RMDN2: variants seen among roughly 807,000 people sequenced by gnomAD.
RMDN2 encodes regulator of microtubule dynamics 2, also known as regulator of microtubule dynamics protein 2.
RMDN2 carries 61 observed loss-of-function variants against 52.8 expected under a neutral mutation model. The observed-to-expected ratio is 1.16, with a 90% CI of 0.94 to 1.43. The LOEUF is 1.43. Ranked by LOEUF, RMDN2 falls within the 40% of genes most tolerant of loss-of-function variation. The probability of loss-of-function intolerance (pLI) is 0.00; values close to 1 mark genes in which losing one functional copy is unlikely to be tolerated. For synonymous variants in RMDN2, 180 were observed against 153.1 expected, an observed-to-expected ratio of 1.18 and a Z score of -1.30; for missense variants, 592 against 475.3, an observed-to-expected ratio of 1.25 and a Z score of -2.28.
At chr2:37,924,471 T>C (rs1472934750), upstream of RMDN2, among the ~76,000 whole-genome samples, 3 of 152,204 alleles carry the variant, frequency 2.0e-5, no homozygotes, top group Admixed American at 6.5e-5. Flanking sequence ...TTCAAACGAT[T>C]CTCCTGCCTC....
At chr2:37,968,740 G>A (rs2125051210) in intron 2 of RMDN2, among the ~76,000 whole-genome samples, 1 of 152,266 alleles carries the variant, frequency 6.6e-6, no homozygotes, top group Admixed American at 6.5e-5. Flanking sequence ...TAGAACAAAT[G>A]TTTGTAAGCA....
chr2:37,972,866 G>A (rs937877278), intron 2 of RMDN2, among the ~76,000 whole-genome samples: 1 of 152,214 alleles, frequency 6.6e-6, no homozygotes, highest in African/African-American at 2.4e-5. Flanking sequence ...GCAATTGGAA[G>A]AGTAGAGTTT....
At chr2:37,922,421 T>TAAAA (rs111938013), upstream of RMDN2, among the ~76,000 whole-genome samples, 5 of 144,432 alleles carry the variant, frequency 3.5e-5, no homozygotes, top group South Asian at 2.2e-4. Context: ...AAATAAAACC[T>TAAAA]AAAAAAAAAA....
intron 2 of RMDN2, chr2:37,951,861 T>C (rs1668853631): frequency 6.2e-7 from 1 of 1,613,614 alleles, no homozygotes; most frequent in South Asian, 1.1e-5. Flanking sequence ...ATCATCCTTC[T>C]TTTCTCTTGC....
chr2:37,938,521 AGCTG>A, intron 2 of RMDN2, among the ~76,000 whole-genome samples: 1 of 152,020 alleles, frequency 6.6e-6, no homozygotes, highest in Non-Finnish European at 1.5e-5. Context: ...ATCTGTGTGG[AGCTG>A]AGCTTTTTAT....
chr2:37,968,248 C>G (rs1009017992), intron 2 of RMDN2, among the ~76,000 whole-genome samples: 1 of 151,954 alleles, frequency 6.6e-6, no homozygotes, highest in African/African-American at 2.4e-5. Flanking sequence ...CGAGACCAGC[C>G]TGGCCAACAT....
At chr2:38,017,842 A>C, downstream of RMDN2, 1 of 204,532 alleles carries the variant, frequency 4.9e-6, no homozygotes, top group South Asian at 7.6e-5. Flanking sequence ...GAGTCCGAAA[A>C]GAGAGTCAGC....
rs185702492 is a variant in RMDN2, at chr2:37,952,088, T to C, written c.453-21952T>C. 4.3e-6 allele frequency: 7 copies of C among 1,613,288 alleles called. No homozygotes were observed. The Admixed American group carries it at 1.2e-4, about 27-fold the overall frequency. On this transcript the variant is annotated intron_variant, in intron 2 of 10. Transcript: ENST00000354545. ...TTTCTTCATCTTATAAAAATTCTGG[T>C]TGCTTTATCCCACCTCAAAGCGAAT...
chr2:38,043,995 T>C (rs781007601), intron 10 of RMDN2, among the ~76,000 whole-genome samples: 4 of 152,108 alleles, frequency 2.6e-5, no homozygotes, highest in Non-Finnish European at 5.9e-5. Context: ...ATCATTTTCC[T>C]TCTCTTTTAG....
rs770803528 is a variant in RMDN2, at chr2:38,004,007, C to T, written c.1061C>T (p.Pro354Leu). 2.5e-6 allele frequency: 4 copies of T among 1,612,960 alleles called. No homozygotes were observed. The highest frequency in any genetic ancestry group is 3.4e-6 in the Non-Finnish European group (4 of 1,179,136). The change falls in exon 9 of 11, where the codon CCT becomes CTT. Residue 354 changes from proline (P) to leucine (L), a missense_variant. Coordinates refer to ENST00000354545, the MANE Select transcript of RMDN2 (RefSeq NM_001170791.3). ...TCAAATCAGGCTGAAGAACTATGCC[C>T]TGGTTATTCTAATCCCAATTACATG... ...HNFLKAEELCPGYSNPNYMYL... is the reference protein window; with the variant it reads ...HNFLKAEELCLGYSNPNYMYL...
chr2:38,061,370 G>T (rs867408879), intron 10 of RMDN2, among the ~76,000 whole-genome samples: 1 of 152,152 alleles, frequency 6.6e-6, no homozygotes, highest in Non-Finnish European at 1.5e-5. Flanking sequence ...GCTGATTATG[G>T]GCCAATGTCA....
At chr2:37,956,451 G>T (rs1003337900) in intron 2 of RMDN2, among the ~76,000 whole-genome samples, 1 of 151,888 alleles carries the variant, frequency 6.6e-6, no homozygotes, top group Non-Finnish European at 1.5e-5. Flanking sequence ...CCAGCTAAAG[G>T]TTTATCAATT....
At chr2:38,008,602 C>G (rs1677464250) in intron 10 of RMDN2, among the ~76,000 whole-genome samples, 1 of 152,130 alleles carries the variant, frequency 6.6e-6, no homozygotes, top group Non-Finnish European at 1.5e-5. Flanking sequence ...ATGTGTGTCT[C>G]TGCACGTGAG....
intron 1 of RMDN2, 139 bp downstream of exon 1, chr2:37,925,564 T>C (rs7584680): frequency 0.17 from 25,267 of 152,288 alleles, 2,467 homozygotes; most frequent in African/African-American, 0.26. Context: ...AGCTTGAGCC[T>C]GCTAGCCAGC....
At chr2:38,030,359 C>T (rs1337000357) in intron 10 of RMDN2, 3 of 152,106 alleles carry the variant, frequency 2.0e-5, no homozygotes, top group African/African-American at 7.2e-5. Context: ...ATTCTTATCC[C>T]ATTTCTAGGC....
In RMDN2 at chr2:37,925,343, G is replaced by A. The variant is rs1666175123; in HGVS notation, c.-99G>A. 1 of 152,296 alleles carries A rather than the reference G, an allele frequency of 6.6e-6. No individual in the cohort carries two copies. Among genetic ancestry groups the A allele is most frequent in the African/African-American group, 2.4e-5 (1 of 41,450 alleles). The allele number at this position is 152,296 out of a possible 1,614,324, so 9.4% of individuals were successfully genotyped here. On this transcript the variant is annotated 5_prime_UTR_variant, in exon 1 of 11. Transcript: ENST00000354545. The stretch of plus-strand genomic sequence containing the variant: ...GGACCTTAGGACCCGCGGGCTCCAG[G>A]GCTACTGTCCGTCCGCCACTGCGCG...
intron 2 of RMDN2, among the ~76,000 whole-genome samples, chr2:37,942,953 A>G (rs1331387146): frequency 6.6e-6 from 1 of 152,228 alleles, no homozygotes; most frequent in African/African-American, 2.4e-5. Context: ...AGAAAAAAGC[A>G]ATAAGTGCCA....
chr2:37,965,590 A>G (rs938746222), intron 2 of RMDN2, among the ~76,000 whole-genome samples: 2 of 152,158 alleles, frequency 1.3e-5, no homozygotes, highest in African/African-American at 4.8e-5. Context: ...ATTAATATAG[A>G]TTCATAATTA....
intron 10 of RMDN2, among the ~76,000 whole-genome samples, chr2:38,024,055 C>G (rs1029957600): frequency 2.6e-5 from 4 of 152,050 alleles, no homozygotes; most frequent in Admixed American, 6.6e-5. Flanking sequence ...ACCCCTTTGT[C>G]TGACTTCTTT....
Sources: allele counts gnomAD v4.1 joint callset (sites outside exome capture counted in the v4.1 genomes callset), GRCh38; gene constraint gnomAD v4.1.1; transcripts MANE v1.5; gene names NCBI Gene and HGNC (gene_info 2026-07-23, HGNC 2026-07-21).